The following SLC28A3 variants were observed in gnomAD, a reference collection of about 807,000 sequenced individuals.
SLC28A3 encodes the protein concentrative Na(+)-nucleoside cotransporter 3.
Under a neutral mutation model 84.2 loss-of-function variants are expected in SLC28A3, and 68 were observed. The observed-to-expected ratio is 0.81, with a 90% CI of 0.66 to 0.99. The LOEUF (loss-of-function observed/expected upper bound fraction) is 0.99, where lower values mean the gene tolerates loss of function less well. Ranked by LOEUF, SLC28A3 falls within the 50% of genes least tolerant of loss-of-function variation. The pLI is 0.00. For synonymous variants in SLC28A3, 267 were observed against 303.6 expected (o/e 0.88, Z 1.25); for missense variants, 712 against 841.5 (o/e 0.85, Z 1.90).
At chr9:84,348,149 A>C in the SLC28A3 span, among the ~76,000 whole-genome samples, 2 of 152,134 alleles carry the variant, frequency 1.3e-5, no homozygotes, top group Non-Finnish European at 2.9e-5. Flanking sequence ...CCTGGCCAAG[A>C]ATAATCTATG....
chr9:84,317,640 A>G (rs1826219805), intron 1 of SLC28A3, among the ~76,000 whole-genome samples: 1 of 151,860 alleles, frequency 6.6e-6, no homozygotes, highest in Non-Finnish European at 1.5e-5. Context: ...GCCTTTCTTC[A>G]CTATAGAATT....
chr9:84,333,322 G>A (rs1291633468), intron 1 of SLC28A3, among the ~76,000 whole-genome samples: 1 of 152,106 alleles, frequency 6.6e-6, no homozygotes, highest in Non-Finnish European at 1.5e-5. Flanking sequence ...CAAAACATGG[G>A]GGAAGCGTGT....
Position 84,325,778 on chromosome 9 carries a change from C to T in SLC28A3, c.61-12324G>A, listed in dbSNP as rs551334525. ...CTCACCCATTCCTGGTAATCATCCC[C>T]TTCCTTTCTGAACACTGACCGGTGA... On this transcript the variant is annotated intron_variant, in intron 1 of 17. Coordinates refer to ENST00000376238, the MANE Select transcript of SLC28A3 (RefSeq NM_001199633.2). Among the ~76,000 whole-genome samples the T allele has an allele frequency of 4.6e-5, 7 of 152,318 alleles. No homozygotes were observed. In the South Asian group the frequency reaches 1.4e-3, roughly 32 times the overall value.
chr9:84,309,416 G>A (rs994935032), intron 3 of SLC28A3, among the ~76,000 whole-genome samples: 1 of 150,780 alleles, frequency 6.6e-6, no homozygotes, highest in Non-Finnish European at 1.5e-5. Flanking sequence ...CCAGCTACTC[G>A]GGAGGCTCAA....
chr9:84,345,644 A>T (rs1455074143), upstream of SLC28A3, among the ~76,000 whole-genome samples: 1 of 152,174 alleles, frequency 6.6e-6, no homozygotes, highest in African/African-American at 2.4e-5. Context: ...TGATTAAAAG[A>T]TACAGTGACC....
upstream of SLC28A3, among the ~76,000 whole-genome samples, chr9:84,341,132 C>T (rs1236417399): frequency 6.6e-6 from 1 of 152,006 alleles, no homozygotes; most frequent in Non-Finnish European, 1.5e-5. Flanking sequence ...TGCCACCACA[C>T]CTGGCTGACT....
At chr9:84,364,768 G>A in the SLC28A3 span, among the ~76,000 whole-genome samples, 2 of 151,988 alleles carry the variant, frequency 1.3e-5, no homozygotes, top group African/African-American at 2.4e-5. Flanking sequence ...GATAACATGC[G>A]ATGTTTGTCT....
chr9:84,364,118 C>T, the SLC28A3 span, among the ~76,000 whole-genome samples: 3 of 134,880 alleles, frequency 2.2e-5, no homozygotes, highest in African/African-American at 5.7e-5. Flanking sequence ...TCCAGTTACA[C>T]TCTTTTTTTT....
the SLC28A3 span, among the ~76,000 whole-genome samples, chr9:84,355,971 C>T: frequency 1.3e-5 from 2 of 152,036 alleles, no homozygotes; most frequent in African/African-American, 2.4e-5. Flanking sequence ...CACCCCACCA[C>T]ACCCAGCTAA....
intron 3 of SLC28A3, 135 bp downstream of exon 3, chr9:84,309,494 G>A (rs1241303512): frequency 6.3e-6 from 4 of 637,366 alleles, no homozygotes; most frequent in Admixed American, 6.9e-5. Flanking sequence ...CTGCACTCCA[G>A]CCTGGGTGAC....
chr9:84,317,596 T>C (rs1826218073), intron 1 of SLC28A3, among the ~76,000 whole-genome samples: 1 of 152,174 alleles, frequency 6.6e-6, no homozygotes, highest in African/African-American at 2.4e-5. Context: ...TGGGGGTTTT[T>C]CTGCTGCAGA....
intron 16 of SLC28A3, 36 bp downstream of exon 16, chr9:84,279,939 T>G (rs1824674946): frequency 6.2e-7 from 1 of 1,601,728 alleles, no homozygotes; most frequent in East Asian, 2.2e-5. Flanking sequence ...CCATTCATCC[T>G]GTGGGCACTG....
chr9:84,335,064 A>G (rs990186658), intron 1 of SLC28A3, among the ~76,000 whole-genome samples: 1 of 152,082 alleles, frequency 6.6e-6, no homozygotes, highest in Non-Finnish European at 1.5e-5. Context: ...ATCCGCGCTC[A>G]TATCTATGCT....
At chr9:84,368,563 G>C in the SLC28A3 span, among the ~76,000 whole-genome samples, 1 of 152,066 alleles carries the variant, frequency 6.6e-6, no homozygotes, top group Non-Finnish European at 1.5e-5. Flanking sequence ...TTCTGACTCA[G>C]GGTGTGTCTA....
At chr9:84,364,589 G>T in the SLC28A3 span, among the ~76,000 whole-genome samples, 3 of 152,248 alleles carry the variant, frequency 2.0e-5, no homozygotes, top group South Asian at 4.1e-4. Context: ...TCAATCTGTT[G>T]TGTGATCAAA....
At chr9:84,324,247 CAAATT>C (rs370703623) in intron 1 of SLC28A3, among the ~76,000 whole-genome samples, 5 of 152,182 alleles carry the variant, frequency 3.3e-5, no homozygotes, top group African/African-American at 9.7e-5. Flanking sequence ...CCTGGCTGCA[CAAATT>C]AGGCCAGTAC....
chr9:84,304,836 A>C lies in SLC28A3; in HGVS notation c.334+418T>G, dbSNP rs539738514. Among the ~76,000 whole-genome samples the C allele has an allele frequency of 1.4e-3, 217 of 152,298 alleles. 1 individual carries two copies. Among genetic ancestry groups the C allele is most frequent in the Non-Finnish European group, 2.4e-3 (166 of 68,024 alleles). ...CAGGAGTTCGAGACCAGCCCGGCCA[A>C]CACAGTGAAACCCTGTCTCTACTAA... On this transcript the variant is annotated intron_variant, in intron 4 of 17. Transcript: ENST00000376238.
chr9:84,347,204 T>TAAAAA, the SLC28A3 span, among the ~76,000 whole-genome samples: 3 of 62,392 alleles, frequency 4.8e-5, no homozygotes, highest in Non-Finnish European at 7.7e-5. Context: ...AGACTCTGTC[T>TAAAAA]AAAAAAAAAA....
At chr9:84,329,901 T>A (rs913107434) in intron 1 of SLC28A3, among the ~76,000 whole-genome samples, 1 of 151,522 alleles carries the variant, frequency 6.6e-6, no homozygotes, top group African/African-American at 2.4e-5. Flanking sequence ...AATGAAAATA[T>A]ACGAAAATTT....
Sources: gnomAD v4.1 joint callset for allele counts (sites outside exome capture counted in the v4.1 genomes callset) on GRCh38, gnomAD v4.1.1 for gene constraint, MANE v1.5 for transcripts, NCBI Gene and HGNC (gene_info 2026-07-23, HGNC 2026-07-21) for gene names.